Variants in KALRN observed in about 807,000 individuals in gnomAD.
KALRN encodes the protein kalirin RhoGEF kinase, also known as kalirin.
Under a neutral mutation model 353.7 loss-of-function variants are expected in KALRN, and 70 were observed. That is an observed-to-expected ratio of 0.20 (90% CI 0.16 to 0.24). KALRN has a LOEUF of 0.24. Ranked by LOEUF, KALRN falls within the 10% of genes least tolerant of loss-of-function variation. The pLI, the probability that KALRN is intolerant of heterozygous loss-of-function variation, is 1.00. For synonymous variants in KALRN, 1,391 were observed against 1,434.8 expected (o/e 0.97, Z 0.69); for missense variants, 2,791 against 3,756.7 (o/e 0.74, Z 6.72).
chr3:124,251,450 AC>A (rs1159943614), intron 3 of KALRN, among the ~76,000 whole-genome samples: 6 of 141,070 alleles, frequency 4.3e-5, no homozygotes, highest in African/African-American at 1.6e-4. Context: ...GCTTACTGCC[AC>A]CTCCACCTTC....
intron 6 of KALRN, among the ~76,000 whole-genome samples, chr3:124,323,481 T>A (rs1162990288): frequency 1.3e-5 from 2 of 152,132 alleles, no homozygotes; most frequent in Non-Finnish European, 2.9e-5. Context: ...TGGCCCACTC[T>A]CCGTAAATAT....
chr3:124,229,673 C>T (rs1333052330), intron 2 of KALRN, among the ~76,000 whole-genome samples: 4 of 152,194 alleles, frequency 2.6e-5, no homozygotes, highest in Non-Finnish European at 4.4e-5. Context: ...CCCACCTCAT[C>T]GGAGAAAAGG....
rs540081472 is a variant in KALRN, at chr3:124,127,077, T to C, written c.73+93264T>C. Among the ~76,000 whole-genome samples the C allele has an allele frequency of 3.3e-5, 5 of 152,294 alleles. No individual in the cohort carries two copies. In the East Asian group the frequency reaches 9.6e-4, roughly 29 times the overall value. On this transcript the variant is annotated intron_variant, in intron 1 of 59. Coordinates refer to ENST00000682506, the MANE Select transcript of KALRN (RefSeq NM_001388419.1). Reference sequence around the variant, plus strand: ...CCCAAGCTGCCAGGATGGGTACTTTTGTGGCAAGGCAGCTCAGAGATCACC... The same window carrying C: ...CCCAAGCTGCCAGGATGGGTACTTTCGTGGCAAGGCAGCTCAGAGATCACC...
At chr3:124,491,298 T>C (rs1286540182) in intron 30 of KALRN, 25 bp from the exon 31 acceptor site, 1 of 1,408,948 alleles carries the variant, frequency 7.1e-7, no homozygotes, top group Non-Finnish European at 9.6e-7. Context: ...CTTCCCCGCC[T>C]CTCATAGGCA....
chr3:124,379,387 A>T (rs991077699), intron 10 of KALRN, among the ~76,000 whole-genome samples: 3 of 152,096 alleles, frequency 2.0e-5, no homozygotes, highest in Non-Finnish European at 4.4e-5. Flanking sequence ...GATTTTCCTG[A>T]TTATGTGCAC....
At chr3:124,256,276 C>T (rs1021942673) in intron 3 of KALRN, among the ~76,000 whole-genome samples, 3 of 152,202 alleles carry the variant, frequency 2.0e-5, no homozygotes, top group Non-Finnish European at 4.4e-5. Flanking sequence ...GCCCTGCTGT[C>T]TGGGTCCAGA....
intron 3 of KALRN, among the ~76,000 whole-genome samples, chr3:124,248,137 C>T (rs1389818865): frequency 6.6e-6 from 1 of 152,252 alleles, no homozygotes; most frequent in Non-Finnish European, 1.5e-5. Context: ...TGGTGAACCT[C>T]TTGCAGGTTG....
At chr3:124,547,078 C>T (rs373238306) in intron 33 of KALRN, among the ~76,000 whole-genome samples, 2 of 152,224 alleles carry the variant, frequency 1.3e-5, no homozygotes, top group South Asian at 4.1e-4. Flanking sequence ...TCGACCAAAA[C>T]CCTCCAGAAG....
chr3:124,678,153 C>T, intron 49 of KALRN, 37 bp from the exon 50 acceptor site: 1 of 1,609,118 alleles, frequency 6.2e-7, no homozygotes, highest in East Asian at 2.2e-5. Flanking sequence ...CTGTCCCTGA[C>T]CTGCCATTTT....
intron 38 of KALRN, among the ~76,000 whole-genome samples, chr3:124,654,159 G>C (rs1413380299): frequency 1.3e-5 from 2 of 152,224 alleles, no homozygotes; most frequent in African/African-American, 4.8e-5. Flanking sequence ...CTTTCTACCA[G>C]GCGGTAACTT....
Position 124,456,802 on chromosome 3 carries a change from G to A in KALRN, c.3854+74G>A, listed in dbSNP as rs767441178. The A allele has an allele frequency of 1.1e-3, 1,046 of 989,650 alleles. 3 individuals carry two copies. The highest frequency in any genetic ancestry group is 1.2e-3 in the Non-Finnish European group (784 of 637,878). The allele number at this position is 989,650 out of a possible 1,614,324, so 61.3% of individuals were successfully genotyped here. A position where few individuals can be genotyped will look rare whatever the true frequency, so the allele number is the denominator to read the frequency against. On this transcript the variant is annotated intron_variant, in intron 23 of 59. Transcript: ENST00000682506. ...GGCTTTCACCGCTACTTGTCCCTTT[G>A]GATAGCTTAATATGTTCTCATGGCC...
chr3:124,069,421 A>G (rs1212547555), intron 1 of KALRN, among the ~76,000 whole-genome samples: 3 of 151,764 alleles, frequency 2.0e-5, no homozygotes, highest in Non-Finnish European at 4.4e-5. Context: ...GGGATCTCCC[A>G]GAGCTGAGTC....
At chr3:124,590,660 T>C (rs1035801011) in intron 34 of KALRN, among the ~76,000 whole-genome samples, 1 of 152,174 alleles carries the variant, frequency 6.6e-6, no homozygotes, top group Non-Finnish European at 1.5e-5. Context: ...AAGAAGTGAT[T>C]GCCCATCTTT....
At chr3:124,637,333 G>A (rs777172869) in intron 37 of KALRN, 30 bp downstream of exon 37, 87 of 1,504,368 alleles carry the variant, frequency 5.8e-5, no homozygotes, top group Non-Finnish European at 7.6e-5. Context: ...GCAGTTCTGT[G>A]TGTGTCTCAC....
At chr3:124,659,090 C>T (rs1161563702) in intron 42 of KALRN, among the ~76,000 whole-genome samples, 1 of 152,166 alleles carries the variant, frequency 6.6e-6, no homozygotes, top group African/African-American at 2.4e-5. Context: ...TAAGGCCCCT[C>T]CAGCTTTTCT....
chr3:124,093,015 C>A (rs974322004), intron 1 of KALRN, among the ~76,000 whole-genome samples: 1 of 152,118 alleles, frequency 6.6e-6, no homozygotes, highest in African/African-American at 2.4e-5. Context: ...GCTAACAGAG[C>A]CTGAGAGGTA....
chr3:124,300,721 A>G (rs1239694721), intron 6 of KALRN, among the ~76,000 whole-genome samples: 2 of 152,216 alleles, frequency 1.3e-5, no homozygotes, highest in Non-Finnish European at 2.9e-5. Context: ...GTAGAGGTGA[A>G]CATCATGAGA....
At chr3:124,050,698 T>G (rs1293081581) in intron 1 of KALRN, among the ~76,000 whole-genome samples, 1 of 152,194 alleles carries the variant, frequency 6.6e-6, no homozygotes, top group Non-Finnish European at 1.5e-5. Flanking sequence ...CCCTCTTTCC[T>G]TATGGCAGGG....
intron 3 of KALRN, among the ~76,000 whole-genome samples, chr3:124,244,291 G>C (rs1208778834): frequency 6.6e-6 from 1 of 152,082 alleles, no homozygotes; most frequent in Non-Finnish European, 1.5e-5. Context: ...AGGCTGGAGT[G>C]CAATGGCGTG....
Sources: allele counts gnomAD v4.1 joint callset (sites outside exome capture counted in the v4.1 genomes callset), GRCh38; gene constraint gnomAD v4.1.1; transcripts MANE v1.5; gene names NCBI Gene and HGNC (gene_info 2026-07-23, HGNC 2026-07-21).